Variants in LINGO2 observed in about 807,000 individuals in gnomAD.
The protein encoded by LINGO2 is leucine-rich repeat and immunoglobulin-like domain-containing nogo receptor-interacting protein 2.
LINGO2 carries 14 observed loss-of-function variants against 30.6 expected under a neutral mutation model. The observed-to-expected ratio is 0.46, with a 90% CI of 0.30 to 0.72. LINGO2 has a LOEUF of 0.72. Among genes scored for constraint, LINGO2 ranks in the 30% least tolerant of loss-of-function variants. LINGO2 has a pLI of 0.07. For missense variants in LINGO2, 729 were observed against 751.7 expected (o/e 0.97, Z 0.35); for synonymous variants, 317 against 288.5 (o/e 1.10, Z -1.00).
Position 28,147,889 on chromosome 9 carries a change from G to C in LINGO2, c.-86-135484C>G, listed in dbSNP as rs574322514. 6.6e-6 allele frequency among the ~76,000 whole-genome samples: 1 copy of C among 152,282 alleles called. No individual in the cohort carries two copies. Among genetic ancestry groups the C allele is most frequent in the South Asian group, 2.1e-4 (1 of 4,826 alleles). On this transcript the variant is annotated intron_variant, in intron 4 of 5. Coordinates refer to ENST00000379992, the Ensembl canonical transcript of LINGO2. The surrounding 1 kb of genome is among the most constrained non-coding windows in gnomAD (Gnocchi z 4.7). ...CCCATAGTGATGTCATAAACTCCCA[G>C]ATGCCCAGTGTGCACCCGGCCACAG... is the stretch of plus-strand genomic sequence containing the variant.
At chr9:28,926,753 T>C in the LINGO2 span, among the ~76,000 whole-genome samples, 1 of 152,340 alleles carries the variant, frequency 6.6e-6, no homozygotes, top group Admixed American at 6.5e-5. Context: ...TAAGAGTAAT[T>C]TAGTTCACCT....
the LINGO2 span, among the ~76,000 whole-genome samples, chr9:28,769,788 T>A: frequency 6.6e-6 from 1 of 151,614 alleles, no homozygotes; most frequent in Admixed American, 6.6e-5. Flanking sequence ...TGACCTGCAA[T>A]CTTTTTTGGC....
chr9:29,126,709 G>A, the LINGO2 span, among the ~76,000 whole-genome samples: 3 of 152,070 alleles, frequency 2.0e-5, no homozygotes, highest in South Asian at 2.1e-4. Context: ...ACAGAACTTC[G>A]CAATTATGTA....
chr9:28,532,720 C>A (rs1821281563), intron 1 of LINGO2, among the ~76,000 whole-genome samples: 1 of 152,044 alleles, frequency 6.6e-6, no homozygotes, highest in Non-Finnish European at 1.5e-5. Flanking sequence ...ACCAGCCCAG[C>A]CCGCGTTGAA....
At chr9:29,189,785 G>A in the LINGO2 span, among the ~76,000 whole-genome samples, 1 of 152,034 alleles carries the variant, frequency 6.6e-6, no homozygotes, top group Non-Finnish European at 1.5e-5. Context: ...CGAGGCTGGC[G>A]GATCACTCGC....
chr9:28,630,971 T>C (rs184266052), intron 1 of LINGO2, among the ~76,000 whole-genome samples: 2 of 151,942 alleles, frequency 1.3e-5, no homozygotes, highest in African/African-American at 4.8e-5. Context: ...TATTATACTG[T>C]AATTAGAAAA....
the LINGO2 span, among the ~76,000 whole-genome samples, chr9:29,144,958 GT>G: frequency 3.9e-5 from 6 of 152,100 alleles, no homozygotes; most frequent in African/African-American, 1.4e-4. Flanking sequence ...GGCTTACCAA[GT>G]TTTGGATACT....
chr9:28,351,196 T>C (rs1406908226), intron 3 of LINGO2, among the ~76,000 whole-genome samples: 25 of 149,612 alleles, frequency 1.7e-4, no homozygotes, highest in Admixed American at 1.4e-3. Flanking sequence ...CTTCAAAAAA[T>C]TAATGAATCC....
the LINGO2 span, among the ~76,000 whole-genome samples, chr9:29,163,977 G>C: frequency 6.6e-6 from 1 of 152,022 alleles, no homozygotes; most frequent in Non-Finnish European, 1.5e-5. Flanking sequence ...ATTAAGTGAT[G>C]CTATGTGATT....
At chr9:28,643,833 C>G (rs907514287) in intron 1 of LINGO2, among the ~76,000 whole-genome samples, 1 of 151,756 alleles carries the variant, frequency 6.6e-6, no homozygotes, top group South Asian at 2.1e-4. Context: ...TCAAACAACT[C>G]TATAGAAAAA....
intron 3 of LINGO2, among the ~76,000 whole-genome samples, chr9:28,309,589 A>T (rs951510537): frequency 4.0e-5 from 6 of 151,192 alleles, no homozygotes; most frequent in African/African-American, 1.5e-4. Flanking sequence ...TAATAATAAT[A>T]AAAAAAAACA....
At chr9:28,415,360 G>C (rs903887220) in intron 2 of LINGO2, among the ~76,000 whole-genome samples, 7 of 152,126 alleles carry the variant, frequency 4.6e-5, no homozygotes, top group African/African-American at 1.7e-4. Flanking sequence ...CAACAGGCAG[G>C]ATAATATATT....
At chr9:28,795,503 G>A in the LINGO2 span, among the ~76,000 whole-genome samples, 1 of 151,884 alleles carries the variant, frequency 6.6e-6, no homozygotes, top group African/African-American at 2.4e-5. Context: ...AAATGTCATG[G>A]TATCTGTGCT....
chr9:28,942,149 G>A, the LINGO2 span, among the ~76,000 whole-genome samples: 1 of 152,098 alleles, frequency 6.6e-6, no homozygotes, highest in Non-Finnish European at 1.5e-5. Flanking sequence ...TATTGTGAAA[G>A]GAAAAGTAGA....
intron 1 of LINGO2, among the ~76,000 whole-genome samples, chr9:28,560,805 C>A (rs887091077): frequency 6.6e-6 from 1 of 151,776 alleles, no homozygotes; most frequent in East Asian, 1.9e-4. Context: ...TAGCTGGAAC[C>A]ACAGGTGCAC....
At chr9:28,294,996 C>A (rs1221189931) in intron 4 of LINGO2, among the ~76,000 whole-genome samples, 1 of 152,170 alleles carries the variant, frequency 6.6e-6, no homozygotes, top group African/African-American at 2.4e-5. Context: ...TTATGTGTAT[C>A]TTAAAATAGC....
the LINGO2 span, among the ~76,000 whole-genome samples, chr9:29,001,087 T>TTG: frequency 1.7e-4 from 15 of 87,172 alleles, no homozygotes; most frequent in East Asian, 6.0e-4. Context: ...TTTTGTATAT[T>TTG]TGTATGTGTG....
chr9:28,356,541 T>C (rs1010494280), intron 3 of LINGO2, among the ~76,000 whole-genome samples: 2 of 152,174 alleles, frequency 1.3e-5, no homozygotes, highest in Non-Finnish European at 2.9e-5. Flanking sequence ...TTAACCACTG[T>C]ACCATGTAGC....
At chr9:28,523,301 C>G (rs1794900242) in intron 1 of LINGO2, among the ~76,000 whole-genome samples, 1 of 151,222 alleles carries the variant, frequency 6.6e-6, no homozygotes, top group South Asian at 2.1e-4. Context: ...AAGCTAAGAA[C>G]AGAAGGGAAC....
Sources: allele counts gnomAD v4.1 joint callset (sites outside exome capture counted in the v4.1 genomes callset), GRCh38; gene constraint gnomAD v4.1.1; non-coding constraint Gnocchi (gnomAD v3.1); transcripts MANE v1.5; gene names NCBI Gene and HGNC (gene_info 2026-07-23, HGNC 2026-07-21).